ENPP1: variants seen among roughly 807,000 people sequenced by gnomAD.
ENPP1 encodes ectonucleotide pyrophosphatase/phosphodiesterase 1, also known as ectonucleotide pyrophosphatase/phosphodiesterase family member 1.
In ENPP1, 73 loss-of-function variants were observed where a neutral mutation model predicts 122.8. The observed-to-expected ratio is 0.59, with a 90% confidence interval of 0.49 to 0.72. The LOEUF (loss-of-function observed/expected upper bound fraction) is 0.72, where lower values mean the gene tolerates loss of function less well. Among genes scored for constraint, ENPP1 ranks in the 30% least tolerant of loss-of-function variants. The pLI is 0.00. For synonymous variants in ENPP1, 367 were observed against 391.6 expected (o/e 0.94, Z 0.74); for missense variants, 978 against 1,128.1 (o/e 0.87, Z 1.91).
At chr6:131,857,425 A>T (rs1292213207) in intron 6 of ENPP1, among the ~76,000 whole-genome samples, 4 of 150,722 alleles carry the variant, frequency 2.7e-5, no homozygotes, top group African/African-American at 7.4e-5. Context: ...GATAGACTGG[A>T]TTAAGAAAAT....
rs555706936 is a variant in ENPP1 at position 131,857,930 on chromosome 6, C to T, written c.716-738C>T. ...CCTGTATATGAAGTTTAAAATAAAT[C>T]ATTAAACCATGAGCCCAAGCCCTAG... On this transcript the variant is annotated intron_variant, in intron 6 of 24. Transcript: ENST00000647893. Among the ~76,000 whole-genome samples, 20 of 152,254 alleles carry T rather than the reference C, an allele frequency of 1.3e-4. No individual in the cohort carries two copies. The South Asian group carries it at 4.1e-3, about 32-fold the overall frequency.
chr6:131,859,816 T>TTCTTTTAAC (rs1394648925), intron 7 of ENPP1, among the ~76,000 whole-genome samples: 1 of 152,144 alleles, frequency 6.6e-6, no homozygotes, highest in African/African-American at 2.4e-5. Context: ...CGAGACTACA[T>TTCTTTTAAC]TCTTTTAACA....
chr6:131,879,902 T>G lies in ENPP1; in HGVS notation c.1968T>G (p.Thr656=), dbSNP rs1782279517. ...AAGAGAAGATTATTAAGCATGAAAC[T>G]TTACCCTATGGAAGACCTAGAGTTC... ...VAEEKIIKHE[T]LPYGRPRVLQ... Residue 656 remains threonine (T), a synonymous_variant, in exon 20 of 25, where the codon ACT becomes ACG. Coordinates refer to ENST00000647893, the MANE Select transcript of ENPP1 (RefSeq NM_006208.3). The G allele has an allele frequency of 3.7e-6, 6 of 1,613,842 alleles. No homozygotes were observed. Among genetic ancestry groups the G allele is most frequent in the Non-Finnish European group, 5.1e-6 (6 of 1,179,760 alleles).
rs1214052584 is a variant in ENPP1 at position 131,891,374 on chromosome 6, T to A, written c.*863T>A. The A allele has an allele frequency of 6.6e-6, 1 of 152,184 alleles. No homozygotes were observed. Among genetic ancestry groups the A allele is most frequent in the East Asian group, 1.9e-4 (1 of 5,198 alleles). 9.4% of individuals were successfully genotyped at this position (152,184 alleles called of 1,614,324 possible). On this transcript the variant is annotated 3_prime_UTR_variant, in exon 25 of 25. Transcript: ENST00000647893. ...CCATTTTTTATTGAGATGCTTAGAA[T>A]GTTTCTTTCTGTGCACAAGACTTAC...
intron 1 of ENPP1, chr6:131,828,240 A>G (rs1230385536): frequency 5.4e-6 from 3 of 555,888 alleles, no homozygotes; most frequent in Admixed American, 3.9e-5. Context: ...GTCAAATTCC[A>G]CTTTGTAAGA....
intron 11 of ENPP1, among the ~76,000 whole-genome samples, chr6:131,866,658 T>C (rs1782096000): frequency 6.6e-6 from 1 of 152,158 alleles, no homozygotes; most frequent in Admixed American, 6.6e-5. Flanking sequence ...ATTCTTTCCA[T>C]CAAAATCCAT....
At chr6:131,811,376 ATATATCTATATCTATATCTATATC>A (rs56938500) in intron 1 of ENPP1, among the ~76,000 whole-genome samples, 12 of 131,290 alleles carry the variant, frequency 9.1e-5, no homozygotes, top group African/African-American at 2.7e-4. Context: ...ATCTATATCT[ATATATCTATATCTATATCTATATC>A]TATATCTATA....
intron 21 of ENPP1, among the ~76,000 whole-genome samples, chr6:131,882,950 G>C (rs7773860): frequency 0.4 from 60,331 of 151,846 alleles, 14,507 homozygotes; most frequent in African/African-American, 0.64. Context: ...AAATAACTTT[G>C]TTGTTTAAAA....
chr6:131,851,918 T>C (rs1381065768), intron 4 of ENPP1, among the ~76,000 whole-genome samples: 1 of 152,204 alleles, frequency 6.6e-6, no homozygotes, highest in Non-Finnish European at 1.5e-5. Context: ...AAAGATACCT[T>C]CAAGTTCTCA....
intron 1 of ENPP1, chr6:131,828,453 T>A (rs1458956158): frequency 3.7e-6 from 1 of 272,742 alleles, no homozygotes; most frequent in Non-Finnish European, 7.1e-6. Context: ...AATGAAAAAA[T>A]ATTAAATAAA....
chr6:131,883,851 C>A, intron 22 of ENPP1, 77 bp downstream of exon 22: 1 of 772,674 alleles, frequency 1.3e-6, no homozygotes, highest in Non-Finnish European at 2.3e-6. Context: ...TGTAATAGGA[C>A]TTATGGTCTA....
At chr6:131,868,217 T>A in intron 12 of ENPP1, 91 bp downstream of exon 12, 2 of 914,280 alleles carry the variant, frequency 2.2e-6, no homozygotes, top group Non-Finnish European at 3.6e-6. Context: ...ATGTTGTAGT[T>A]AATTCTTTTT....
intron 9 of ENPP1, among the ~76,000 whole-genome samples, chr6:131,863,513 C>G (rs1221093805): frequency 6.6e-6 from 1 of 152,058 alleles, no homozygotes. Context: ...TAGCAATTTT[C>G]CTTGTGATCT....
chr6:131,890,482 C>G lies in ENPP1; in HGVS notation c.2749C>G (p.His917Asp). The G allele has an allele frequency of 1.2e-6, 2 of 1,614,034 alleles. No individual in the cohort carries two copies. Among genetic ancestry groups the G allele is most frequent in the Non-Finnish European group, 1.7e-6 (2 of 1,179,878 alleles). The stretch of plus-strand genomic sequence containing the variant: ...TTCAGACATTTTAAAGTTGAAAACA[C>G]ATTTGCCAACCTTTAGCCAAGAAGA... ...PVSDILKLKT[H>D]LPTFSQED is the part of the protein sequence containing the mutation. The change falls in exon 25 of 25, where the codon CAT (histidine) becomes GAT (aspartate). Residue 917 changes from histidine to aspartate, a missense_variant. His to Asp is a moderately conservative substitution (Grantham distance 81). Transcript: ENST00000647893.
At chr6:131,856,038 A>G (rs1157137459) in intron 6 of ENPP1, among the ~76,000 whole-genome samples, 2 of 152,068 alleles carry the variant, frequency 1.3e-5, no homozygotes, top group East Asian at 1.9e-4. Context: ...TATGTACGTC[A>G]TTATGCTTGT....
intron 7 of ENPP1, among the ~76,000 whole-genome samples, chr6:131,859,114 T>C (rs1781984555): frequency 6.6e-6 from 1 of 152,208 alleles, no homozygotes; most frequent in Admixed American, 6.5e-5. Context: ...TTTCTAATCA[T>C]CTTGATGATG....
chr6:131,891,519 AC>A lies in ENPP1; in HGVS notation c.*1009del, dbSNP rs1782469384. ...GTGGACATGATAAATGACACAATGA[AC>A]TTGATTTCTTTACTACCTTGACTGT... On this transcript the variant is annotated 3_prime_UTR_variant, in exon 25 of 25. Coordinates refer to ENST00000647893, the MANE Select transcript of ENPP1 (RefSeq NM_006208.3). 1.3e-5 allele frequency: 2 copies of A among 152,028 alleles called. No individual in the cohort carries two copies. Among genetic ancestry groups the A allele is most frequent in the African/African-American group, 4.8e-5 (2 of 41,380 alleles). 9.4% of individuals were successfully genotyped at this position (152,028 alleles called of 1,614,324 possible). A position where few individuals can be genotyped will look rare whatever the true frequency, so the allele number is the denominator to read the frequency against.
At chr6:131,883,884 T>G in intron 22 of ENPP1, 110 bp downstream of exon 22, 1 of 665,560 alleles carries the variant, frequency 1.5e-6, no homozygotes, top group Non-Finnish European at 2.8e-6. Flanking sequence ...TAATACCAAA[T>G]ACATTCTTAA....
At position 131,857,375 on chromosome 6, in the gene ENPP1, C is replaced by T. The variant is rs545806134; in HGVS notation, c.716-1293C>T. Among the ~76,000 whole-genome samples the T allele has an allele frequency of 6.5e-3, 968 of 149,096 alleles. 5 individuals carry two copies. Among genetic ancestry groups the T allele is most frequent in the Non-Finnish European group, 0.011 (771 of 67,774 alleles). On this transcript the variant is annotated intron_variant, in intron 6 of 24. Transcript: ENST00000647893. ...CATATGTTTATTGCGGCACTATTCA[C>T]AATAGCAAAGACTTGGAACCAACCC...
Sources: gnomAD v4.1 joint callset for allele counts (sites outside exome capture counted in the v4.1 genomes callset) on GRCh38, gnomAD v4.1.1 for gene constraint, MANE v1.5 for transcripts, NCBI Gene and HGNC (gene_info 2026-07-23, HGNC 2026-07-21) for gene names.